The following DGCR2 variants were observed in gnomAD, a reference collection of about 807,000 sequenced individuals.
DGCR2 encodes the protein integral membrane protein DGCR2/IDD.
In DGCR2, 24 loss-of-function variants were observed where a neutral mutation model predicts 51.6. That is an observed-to-expected ratio of 0.47 (90% CI 0.34 to 0.65). The LOEUF is 0.65. Ranked by LOEUF, DGCR2 falls within the 30% of genes least tolerant of loss-of-function variation. DGCR2 has a pLI of 0.01. For missense variants in DGCR2, 765 were observed against 772.1 expected (o/e 0.99, Z 0.11); for synonymous variants, 340 against 315.4 (o/e 1.08, Z -0.82).
chr22:19,082,647 G>A (rs1207750762), intron 2 of DGCR2, among the ~76,000 whole-genome samples: 1 of 152,232 alleles, frequency 6.6e-6, no homozygotes, highest in African/African-American at 2.4e-5. Flanking sequence ...CTACTCGGGA[G>A]GCTGAGGCAG....
At chr22:19,105,901 C>A (rs1351558889) in intron 1 of DGCR2, among the ~76,000 whole-genome samples, 2 of 152,084 alleles carry the variant, frequency 1.3e-5, no homozygotes, top group Admixed American at 6.5e-5. Flanking sequence ...CCGCAAAGCC[C>A]CACATCCAGG....
At chr22:19,100,202 G>A (rs769307031) in intron 1 of DGCR2, among the ~76,000 whole-genome samples, 8 of 151,708 alleles carry the variant, frequency 5.3e-5, no homozygotes, top group African/African-American at 1.2e-4. Context: ...CCGGGGAGGC[G>A]AGGTTGCAGT....
At chr22:19,084,066 G>C (rs1041183588) in intron 2 of DGCR2, among the ~76,000 whole-genome samples, 1 of 152,010 alleles carries the variant, frequency 6.6e-6, no homozygotes, top group Non-Finnish European at 1.5e-5. Context: ...ATCTCGGCTC[G>C]CTACAACCTC....
chr22:19,107,266 G>A (rs774093117), intron 1 of DGCR2, among the ~76,000 whole-genome samples: 10 of 152,158 alleles, frequency 6.6e-5, no homozygotes, highest in African/African-American at 1.9e-4. Flanking sequence ...CTGGAGACAG[G>A]TGGCCAGCTC....
chr22:19,084,692 GCTGCC>G lies in DGCR2; in HGVS notation c.202+4671_202+4675del, dbSNP rs1334397452. On this transcript the variant is annotated intron_variant, in intron 2 of 9. Coordinates refer to ENST00000263196, the MANE Select transcript of DGCR2 (RefSeq NM_005137.3). ...GTGGGGGTCAGCCCCCGCCCGGCCA[GCTGCC>G]CCGTCCGGGAGGGAGGTGGGGGGTC... 8.9e-4 allele frequency among the ~76,000 whole-genome samples: 98 copies of G among 110,256 alleles called. 1 individual carries two copies. The highest frequency in any genetic ancestry group is 2.1e-3 in the African/African-American group (66 of 31,102). 72.3% of individuals were successfully genotyped at this position (110,256 alleles called of 152,430 possible).
At chr22:19,100,728 T>C (rs1312598467) in intron 1 of DGCR2, among the ~76,000 whole-genome samples, 2 of 151,204 alleles carry the variant, frequency 1.3e-5, no homozygotes, top group Admixed American at 1.3e-4. Flanking sequence ...GACACCTTAA[T>C]ACACTTAAAA....
At chr22:19,085,056 T>C (rs1389025870) in intron 2 of DGCR2, among the ~76,000 whole-genome samples, 4 of 148,116 alleles carry the variant, frequency 2.7e-5, no homozygotes, top group Non-Finnish European at 5.9e-5. Flanking sequence ...GAAGTAGACA[T>C]GGGAGACTTT....
At position 19,063,287 on chromosome 22, in the gene DGCR2, C is replaced by CACAGAG. The variant is rs772866318; in HGVS notation, c.549-15_549-10dup. 3.1e-6 allele frequency: 5 copies of CACAGAG among 1,613,284 alleles called. No homozygotes were observed. The highest frequency in any genetic ancestry group is 1.3e-5 in the African/African-American group (1 of 74,926). On this transcript the variant is annotated splice_polypyrimidine_tract_variant and intron_variant, in intron 4 of 9. Coordinates refer to ENST00000263196, the MANE Select transcript of DGCR2 (RefSeq NM_005137.3). ...GATAGCCAACCCACAACCTGCAGGG[C>CACAGAG]ACAGAGACAGAGACAGAGATCTCAG...
Position 19,048,595 on chromosome 22 carries a change from T to C in DGCR2, c.851A>G (p.Tyr284Cys). 1.2e-6 allele frequency: 2 copies of C among 1,614,224 alleles called. No homozygotes were observed. The highest frequency in any genetic ancestry group is 1.7e-6 in the Non-Finnish European group (2 of 1,180,032). ...IKDNVVDEGFYFTPKGDDPCL... is the reference protein window; with the variant it reads ...IKDNVVDEGFCFTPKGDDPCL... ...TGGGTCGTCCCCCTTAGGGGTGAAG[T>C]AGAACCCTTCATCCACCACGTTGTC... Residue 284 changes from tyrosine (Y) to cysteine (C), a missense_variant, in exon 7 of 10, where the codon TAC becomes TGC. Tyr to Cys is a radical substitution (Grantham distance 194). Transcript: ENST00000263196.
chr22:19,064,227 G>A (rs896608335), intron 4 of DGCR2, among the ~76,000 whole-genome samples: 1 of 152,268 alleles, frequency 6.6e-6, no homozygotes, highest in East Asian at 1.9e-4. Flanking sequence ...CCTCAGAGAT[G>A]GGGCTGCCCT....
At chr22:19,094,289 G>T (rs570150812) in intron 1 of DGCR2, among the ~76,000 whole-genome samples, 1 of 152,094 alleles carries the variant, frequency 6.6e-6, no homozygotes, top group South Asian at 2.1e-4. Context: ...TTAGATGGGT[G>T]CGGTGGCGGG....
chr22:19,076,353 C>A (rs995432508), intron 2 of DGCR2, among the ~76,000 whole-genome samples: 1 of 147,648 alleles, frequency 6.8e-6, no homozygotes, highest in African/African-American at 2.7e-5. Context: ...TTGGTAGAGA[C>A]GGGGTTTCAC....
At position 19,066,178 on chromosome 22, in the gene DGCR2, T is replaced by C. The variant is rs57108716; in HGVS notation, c.329-1111A>G. Among the ~76,000 whole-genome samples, 23 of 152,256 alleles carry C rather than the reference T, an allele frequency of 1.5e-4. No homozygotes were observed. The East Asian group carries it at 2.9e-3, about 19-fold the overall frequency. ...ACTTTGGGAGGCCGAGGTGGGCAGA[T>C]TGCTTGAGCTCAGGAGCTTGAGACC... On this transcript the variant is annotated intron_variant, in intron 3 of 9. Coordinates refer to ENST00000263196, the MANE Select transcript of DGCR2 (RefSeq NM_005137.3).
chr22:19,046,463 G>C (rs1032201296), intron 7 of DGCR2: 2 of 157,150 alleles, frequency 1.3e-5, no homozygotes, highest in African/African-American at 4.8e-5. Flanking sequence ...TCTGCAAAGG[G>C]AGATGGTTTC....
At chr22:19,090,354 A>G (rs1463084963) in intron 1 of DGCR2, among the ~76,000 whole-genome samples, 1 of 152,232 alleles carries the variant, frequency 6.6e-6, no homozygotes, top group African/African-American at 2.4e-5. Context: ...CACCAGAAAT[A>G]CAAACAATAC....
At chr22:19,119,925 T>TA (rs1437071024) in intron 1 of DGCR2, among the ~76,000 whole-genome samples, 1 of 151,926 alleles carries the variant, frequency 6.6e-6, no homozygotes, top group African/African-American at 2.4e-5. Context: ...CTCTGACTGA[T>TA]ACCTTCCTCA....
chr22:19,084,177 G>A (rs5993513), intron 2 of DGCR2, among the ~76,000 whole-genome samples: 35,470 of 151,444 alleles, frequency 0.23, 4,675 homozygotes, highest in African/African-American at 0.36. Context: ...CTGCCTGGCC[G>A]CCCGTCATCT....
rs1442471108 is a variant in DGCR2, at chr22:19,057,534, CA to C, written c.626-373del. On this transcript the variant is annotated intron_variant, in intron 5 of 9. Coordinates refer to ENST00000263196, the MANE Select transcript of DGCR2 (RefSeq NM_005137.3). This position sits in a 1 kb window ranked among gnomAD's most constrained non-coding sequence, Gnocchi z 5.1. ...GTGGCACACTGGATTAAAATGCAAACAGGGGAATGGGCAAGGGAAACAGGCA... is the reference window on the plus strand; with the variant it reads ...GTGGCACACTGGATTAAAATGCAAACGGGGAATGGGCAAGGGAAACAGGCA... 6.6e-6 allele frequency among the ~76,000 whole-genome samples: 1 copy of C among 152,180 alleles called. No homozygotes were observed. The highest frequency in any genetic ancestry group is 1.5e-5 in the Non-Finnish European group (1 of 68,038).
chr22:19,084,948 A>C (rs1234791082), intron 2 of DGCR2, among the ~76,000 whole-genome samples: 1 of 152,190 alleles, frequency 6.6e-6, no homozygotes, highest in Non-Finnish European at 1.5e-5. Flanking sequence ...GCTCATTGAG[A>C]ACGGGCCATG....
Sources: allele counts gnomAD v4.1 joint callset (sites outside exome capture counted in the v4.1 genomes callset), GRCh38; gene constraint gnomAD v4.1.1; non-coding constraint Gnocchi (gnomAD v3.1); transcripts MANE v1.5; gene names NCBI Gene and HGNC (gene_info 2026-07-23, HGNC 2026-07-21).